Variants in TULP4 observed in about 807,000 individuals in gnomAD.
TULP4 encodes the protein tubby-related protein 4.
A neutral mutation model predicts 129.0 loss-of-function variants in TULP4; 16 were observed. That is an observed-to-expected ratio of 0.12 (90% CI 0.08 to 0.19). The LOEUF (loss-of-function observed/expected upper bound fraction) is 0.19, where lower values mean the gene tolerates loss of function less well. Ranked by LOEUF, TULP4 falls within the 10% of genes least tolerant of loss-of-function variation. The pLI is 1.00. For synonymous variants in TULP4, 998 were observed against 854.0 expected (o/e 1.17, Z -2.94); for missense variants, 1,842 against 2,059.1 (o/e 0.89, Z 2.04).
chr6:158,444,077 T>A (rs184335435), intron 3 of TULP4, among the ~76,000 whole-genome samples: 66 of 151,666 alleles, frequency 4.4e-4, no homozygotes, highest in East Asian at 1.2e-3. Flanking sequence ...AAAATTAGCC[T>A]GGCGTGGTGG....
intron 6 of TULP4, among the ~76,000 whole-genome samples, chr6:158,465,537 G>A (rs554559058): frequency 1.2e-3 from 176 of 152,222 alleles, no homozygotes; most frequent in African/African-American, 4.1e-3. Flanking sequence ...GGATCATATG[G>A]TAATTCTATT....
chr6:158,281,338 C>T (rs1250507303), upstream of TULP4, among the ~76,000 whole-genome samples: 1 of 152,034 alleles, frequency 6.6e-6, no homozygotes, highest in Non-Finnish European at 1.5e-5. Context: ...CTCGGCCTCC[C>T]GAGTAGCTGG....
chr6:158,403,345 C>T (rs1777896638), intron 1 of TULP4, among the ~76,000 whole-genome samples: 1 of 152,066 alleles, frequency 6.6e-6, no homozygotes, highest in African/African-American at 2.4e-5. Flanking sequence ...TCCAGGGACA[C>T]TTTTTCTTTT....
chr6:158,504,015 G>A lies in TULP4; in HGVS notation c.4352G>A (p.Ser1451Asn). ...ELEEAKCRRA[S>N]EKEDGRLGSQ... ...GAGGAGGCCAAGTGCCGGCGGGCCA[G>A]TGAGAAGGAGGACGGGCGGCTGGGC... Residue 1451 changes from serine (S) to asparagine (N), a missense_variant, in exon 13 of 14, where the codon AGT (serine) becomes AAT (asparagine). Ser to Asn is a conservative substitution (Grantham distance 46). Coordinates refer to ENST00000367097, the MANE Select transcript of TULP4 (RefSeq NM_020245.5). 1 of 1,612,450 alleles carries A rather than the reference G, an allele frequency of 6.2e-7. No homozygotes were observed. Among genetic ancestry groups the A allele is most frequent in the South Asian group, 1.1e-5 (1 of 90,974 alleles).
At chr6:158,300,001 G>A (rs1779105190) in intron 1 of TULP4, among the ~76,000 whole-genome samples, 1 of 152,170 alleles carries the variant, frequency 6.6e-6, no homozygotes, top group Non-Finnish European at 1.5e-5. Flanking sequence ...AGGAGAAGTG[G>A]GATTAGTTAG....
intron 6 of TULP4, among the ~76,000 whole-genome samples, chr6:158,464,001 A>T (rs1472180794): frequency 6.6e-6 from 1 of 152,174 alleles, no homozygotes; most frequent in East Asian, 1.9e-4. Flanking sequence ...CCCTCCTCCC[A>T]GTCCATGAGA....
intron 8 of TULP4, among the ~76,000 whole-genome samples, chr6:158,486,730 TA>T (rs571267472): frequency 3.4e-4 from 52 of 152,326 alleles, no homozygotes; most frequent in African/African-American, 1.2e-3. Context: ...AAGTCTGTGG[TA>T]TTTTGTTATC....
rs568036027 is a variant in TULP4, at chr6:158,498,869, A to C, written c.2014+57A>C. 1.3e-4 allele frequency: 214 copies of C among 1,596,636 alleles called. No individual in the cohort carries two copies. The African/African-American group carries it at 2.7e-3, about 20-fold the overall frequency. On this transcript the variant is annotated intron_variant, in intron 12 of 13. Coordinates refer to ENST00000367097, the MANE Select transcript of TULP4 (RefSeq NM_020245.5). ...GGTCCCTCTGTCAGTAGATCATGCA[A>C]GGGGGACAGAGCGGCAAGTTGTTGA... is the stretch of plus-strand genomic sequence containing the variant.
At chr6:158,254,406 G>A (rs1001423639) in intron 1 of TULP4, among the ~76,000 whole-genome samples, 2 of 152,158 alleles carry the variant, frequency 1.3e-5, no homozygotes, top group Admixed American at 6.5e-5. Context: ...GCCTCCCAAA[G>A]TGCTGGGATT....
chr6:158,482,339 G>A (rs1458128972), intron 8 of TULP4, among the ~76,000 whole-genome samples: 1 of 152,166 alleles, frequency 6.6e-6, no homozygotes, highest in African/African-American at 2.4e-5. Context: ...CTGCCTGCCA[G>A]CCTTCATTTG....
intron 11 of TULP4, among the ~76,000 whole-genome samples, chr6:158,497,481 T>A (rs1441964450): frequency 6.6e-6 from 1 of 152,234 alleles, no homozygotes; most frequent in Non-Finnish European, 1.5e-5. Context: ...GAGGGGTCTA[T>A]AGTAAAAATC....
intron 1 of TULP4, among the ~76,000 whole-genome samples, chr6:158,272,587 CCA>C (rs933076558): frequency 1.4e-4 from 22 of 152,316 alleles, no homozygotes; most frequent in African/African-American, 5.3e-4. Flanking sequence ...TGAAATCCCT[CCA>C]CAGCTGCCTG....
intron 1 of TULP4, among the ~76,000 whole-genome samples, chr6:158,297,972 C>T (rs1392710354): frequency 1.3e-5 from 2 of 152,014 alleles, no homozygotes; most frequent in African/African-American, 4.8e-5. Flanking sequence ...CCAGAGCGGC[C>T]GTTTATAGAC....
intron 1 of TULP4, among the ~76,000 whole-genome samples, chr6:158,345,535 G>T (rs1272594149): frequency 6.6e-6 from 1 of 152,214 alleles, no homozygotes; most frequent in Non-Finnish European, 1.5e-5. Context: ...GTAGGACCGT[G>T]ATGCCCACCT....
intron 3 of TULP4, among the ~76,000 whole-genome samples, chr6:158,441,806 G>A (rs1357138317): frequency 1.3e-5 from 2 of 152,100 alleles, no homozygotes; most frequent in African/African-American, 4.8e-5. Flanking sequence ...CACTGGCACC[G>A]TTTCTAACAA....
chr6:158,502,682 G>C lies in TULP4; in HGVS notation c.3019G>C (p.Ala1007Pro), dbSNP rs373780975. 2.6e-6 allele frequency: 4 copies of C among 1,557,720 alleles called. No homozygotes were observed. The highest frequency in any genetic ancestry group is 3.5e-6 in the Non-Finnish European group (4 of 1,156,996). Reference sequence around the variant, plus strand: ...GGCCCAGCTGGCCGACAGCCCGCGGGCCCCCCTGCAGCCCCTGGCCAAGTC... The same window carrying C: ...GGCCCAGCTGGCCGACAGCCCGCGGCCCCCCCTGCAGCCCCTGGCCAAGTC... ...KMAQLADSPR[A>P]PLQPLAKSKG... Residue 1007 changes from alanine (A) to proline (P), a missense_variant, in exon 13 of 14, where the codon GCC becomes CCC. Ala to Pro is a conservative substitution (Grantham distance 27). This residue lies in a region of TULP4 where 1,089 missense variants were observed against 987.1 expected (regional missense o/e 1.10). Coordinates refer to ENST00000367097, the MANE Select transcript of TULP4 (RefSeq NM_020245.5).
At chr6:158,327,051 C>T (rs926385811) in intron 1 of TULP4, among the ~76,000 whole-genome samples, 1 of 152,152 alleles carries the variant, frequency 6.6e-6, no homozygotes, top group African/African-American at 2.4e-5. Flanking sequence ...CCTTGTGTAC[C>T]AGACTGTACT....
intron 3 of TULP4, among the ~76,000 whole-genome samples, chr6:158,440,577 C>T (rs567071769): frequency 6.6e-6 from 1 of 152,312 alleles, no homozygotes; most frequent in African/African-American, 2.4e-5. Context: ...GTGAATACCA[C>T]ACAAGGGAGG....
chr6:158,238,196 G>T, intron 1 of TULP4: 1 of 804,252 alleles, frequency 1.2e-6, no homozygotes. Flanking sequence ...TTTCAACTGT[G>T]CCATGGTCAG....
Sources: allele counts gnomAD v4.1 joint callset (sites outside exome capture counted in the v4.1 genomes callset), GRCh38; gene constraint gnomAD v4.1.1; regional missense constraint gnomAD v4.1.1; transcripts MANE v1.5; gene names NCBI Gene and HGNC (gene_info 2026-07-23, HGNC 2026-07-21).